COMMD10: variants seen among roughly 807,000 people sequenced by gnomAD.
COMMD10 encodes the protein COMM domain-containing protein 10.
Under a neutral mutation model 28.9 loss-of-function variants are expected in COMMD10, and 33 were observed. The observed-to-expected ratio is 1.14, with a 90% CI of 0.87 to 1.53. The LOEUF (loss-of-function observed/expected upper bound fraction) is 1.53. COMMD10 is among the 40% of genes most tolerant of loss of function. The probability of loss-of-function intolerance (pLI) is 0.00; values close to 1 mark genes in which losing one functional copy is unlikely to be tolerated. For synonymous variants in COMMD10, 110 were observed against 81.7 expected (o/e 1.35, Z -1.87); for missense variants, 310 against 233.4 (o/e 1.33, Z -2.14).
intron 4 of COMMD10, among the ~76,000 whole-genome samples, chr5:116,114,818 A>T (rs1489212401): frequency 6.6e-6 from 1 of 151,952 alleles, no homozygotes; most frequent in Non-Finnish European, 1.5e-5. Flanking sequence ...CTGATCCTGT[A>T]GTTTAGTCGG....
intron 4 of COMMD10, among the ~76,000 whole-genome samples, chr5:116,108,667 G>C (rs1750928673): frequency 1.3e-5 from 2 of 152,140 alleles, no homozygotes; most frequent in South Asian, 4.1e-4. Flanking sequence ...TTGCTCCCTG[G>C]CTTCAGCCCC....
chr5:116,250,704 A>AT (rs1465092728), intron 5 of COMMD10, among the ~76,000 whole-genome samples: 53 of 152,000 alleles, frequency 3.5e-4, no homozygotes, highest in African/African-American at 1.3e-3. Context: ...AGAGGAGGAG[A>AT]TGGGAGGGAA....
At chr5:116,117,388 T>C (rs1751275523) in intron 4 of COMMD10, among the ~76,000 whole-genome samples, 1 of 152,240 alleles carries the variant, frequency 6.6e-6, no homozygotes, top group African/African-American at 2.4e-5. Flanking sequence ...GTCATATATG[T>C]GTGAATCTCA....
At chr5:116,134,859 G>A (rs1751979482) in intron 5 of COMMD10, among the ~76,000 whole-genome samples, 2 of 151,984 alleles carry the variant, frequency 1.3e-5, no homozygotes. Flanking sequence ...CTGACCTTGT[G>A]ATCCACCCCC....
intron 5 of COMMD10, among the ~76,000 whole-genome samples, chr5:116,265,762 A>C (rs112865687): frequency 1.3e-5 from 2 of 151,658 alleles, no homozygotes; most frequent in Non-Finnish European, 2.9e-5. Context: ...TGAGCCATAG[A>C]ATATTTCATA....
At chr5:116,260,647 T>G (rs921029188) in intron 5 of COMMD10, among the ~76,000 whole-genome samples, 1 of 151,864 alleles carries the variant, frequency 6.6e-6, no homozygotes, top group Non-Finnish European at 1.5e-5. Context: ...GTAATGGTCA[T>G]GCAAAGCAGT....
At chr5:116,227,281 C>T (rs570731786) in intron 5 of COMMD10, among the ~76,000 whole-genome samples, 155 of 152,142 alleles carry the variant, frequency 1.0e-3, no homozygotes, top group Non-Finnish European at 1.9e-3. Flanking sequence ...CATTCTCCTT[C>T]AACAGGGCTT....
At chr5:116,151,450 G>C (rs1051489419) in intron 5 of COMMD10, among the ~76,000 whole-genome samples, 9 of 152,046 alleles carry the variant, frequency 5.9e-5, no homozygotes, top group Non-Finnish European at 1.2e-4. Context: ...GTTCCTCCTC[G>C]TACCTCTGGT....
At chr5:116,165,656 C>T (rs1419598890) in intron 5 of COMMD10, among the ~76,000 whole-genome samples, 1 of 151,890 alleles carries the variant, frequency 6.6e-6, no homozygotes, top group East Asian at 1.9e-4. Context: ...GTGCACAGGG[C>T]TGGTAGAGAG....
intron 4 of COMMD10, among the ~76,000 whole-genome samples, chr5:116,121,076 G>C (rs540704128): frequency 6.6e-6 from 1 of 151,872 alleles, no homozygotes; most frequent in African/African-American, 2.4e-5. Flanking sequence ...TTGTTATGCC[G>C]CACCCATTAA....
At chr5:116,201,786 A>G (rs955459026) in intron 5 of COMMD10, among the ~76,000 whole-genome samples, 1 of 152,164 alleles carries the variant, frequency 6.6e-6, no homozygotes, top group Non-Finnish European at 1.5e-5. Flanking sequence ...GAAACAAAGT[A>G]AGGTTTTTAA....
intron 5 of COMMD10, among the ~76,000 whole-genome samples, chr5:116,170,149 A>G (rs1435927106): frequency 6.6e-6 from 1 of 152,206 alleles, no homozygotes; most frequent in Non-Finnish European, 1.5e-5. Flanking sequence ...GTCTCAGGAT[A>G]CAAAATCAGT....
chr5:116,097,680 T>A (rs766469739), intron 4 of COMMD10, among the ~76,000 whole-genome samples: 2 of 152,166 alleles, frequency 1.3e-5, no homozygotes, highest in Non-Finnish European at 2.9e-5. Context: ...TGCCCACGGT[T>A]CTGCAGGCTG....
intron 4 of COMMD10, among the ~76,000 whole-genome samples, chr5:116,097,449 A>T (rs1212564861): frequency 6.6e-6 from 1 of 152,200 alleles, no homozygotes; most frequent in Non-Finnish European, 1.5e-5. Context: ...CCATGATTGT[A>T]CAGCTAAGTA....
At chr5:116,095,184 C>A (rs758885255) in intron 4 of COMMD10, among the ~76,000 whole-genome samples, 1 of 152,158 alleles carries the variant, frequency 6.6e-6, no homozygotes, top group Non-Finnish European at 1.5e-5. Context: ...GTGAACTGTT[C>A]TGAACACACA....
At chr5:116,168,187 C>A (rs1580512709) in intron 5 of COMMD10, among the ~76,000 whole-genome samples, 2 of 148,036 alleles carry the variant, frequency 1.4e-5, no homozygotes, top group African/African-American at 2.5e-5. Context: ...GATTGCAGTC[C>A]TAGTGTCAGA....
chr5:116,268,949 G>T (rs1435950722), intron 5 of COMMD10, among the ~76,000 whole-genome samples: 1 of 151,494 alleles, frequency 6.6e-6, no homozygotes, highest in Non-Finnish European at 1.5e-5. Context: ...GCCTGTTGTG[G>T]GGTGGGGGGA....
At chr5:116,271,976 G>A (rs1312181185) in intron 5 of COMMD10, among the ~76,000 whole-genome samples, 1 of 151,704 alleles carries the variant, frequency 6.6e-6, no homozygotes, top group Non-Finnish European at 1.5e-5. Flanking sequence ...ACCACTTTGG[G>A]ATTACACAAA....
chr5:116,236,938 G>A (rs1372904796), intron 5 of COMMD10, among the ~76,000 whole-genome samples: 5 of 151,990 alleles, frequency 3.3e-5, no homozygotes, highest in South Asian at 2.1e-4. Context: ...ATTTTGCTGC[G>A]AAACTAAAGC....
Sources: gnomAD v4.1 joint callset for allele counts (sites outside exome capture counted in the v4.1 genomes callset) on GRCh38, gnomAD v4.1.1 for gene constraint, MANE v1.5 for transcripts, NCBI Gene and HGNC (gene_info 2026-07-23, HGNC 2026-07-21) for gene names.